LEKR1: variants seen among roughly 807,000 people sequenced by gnomAD.
The protein encoded by LEKR1 is protein LEKR1.
A neutral mutation model predicts 72.4 loss-of-function variants in LEKR1; 59 were observed. The ratio of observed to expected loss-of-function variants is 0.82; its 90% CI spans 0.66 to 1.01. LEKR1 has a LOEUF of 1.01. LEKR1 is among the 50% of genes least tolerant of loss of function. The pLI, the probability that LEKR1 is intolerant of heterozygous loss-of-function variation, is 0.00. For missense variants in LEKR1, 728 were observed against 759.2 expected, an observed-to-expected ratio of 0.96 and a Z score of 0.48; for synonymous variants, 257 against 263.2, an observed-to-expected ratio of 0.98 and a Z score of 0.23.
At chr3:156,980,416 G>A (rs1166115463) in intron 7 of LEKR1, among the ~76,000 whole-genome samples, 2 of 152,166 alleles carry the variant, frequency 1.3e-5, no homozygotes, top group Admixed American at 6.5e-5. Flanking sequence ...GTGGTTAATA[G>A]TACAGTAAGT....
intron 3 of LEKR1, among the ~76,000 whole-genome samples, chr3:156,908,114 G>A (rs1370613034): frequency 6.6e-6 from 1 of 152,126 alleles, no homozygotes; most frequent in Admixed American, 6.5e-5. Flanking sequence ...CAGGGTGTGT[G>A]TCATGATGTC....
At chr3:156,851,964 A>G (rs752710498) in intron 2 of LEKR1, among the ~76,000 whole-genome samples, 2 of 152,132 alleles carry the variant, frequency 1.3e-5, no homozygotes, top group Non-Finnish European at 2.9e-5. Flanking sequence ...CTAAAATTTC[A>G]TTTTTCACTG....
chr3:156,955,178 A>T (rs1465169937), intron 6 of LEKR1, among the ~76,000 whole-genome samples: 1 of 151,754 alleles, frequency 6.6e-6, no homozygotes, highest in East Asian at 1.9e-4. Flanking sequence ...GTTGATGTAT[A>T]GGAATGTTTT....
intron 10 of LEKR1, among the ~76,000 whole-genome samples, chr3:157,018,111 C>G (rs996251330): frequency 6.6e-6 from 1 of 151,792 alleles, no homozygotes; most frequent in Non-Finnish European, 1.5e-5. Flanking sequence ...ACATAATAAC[C>G]CTAAATGTTC....
intron 3 of LEKR1, among the ~76,000 whole-genome samples, chr3:156,886,629 C>T (rs1720121658): frequency 6.6e-6 from 1 of 152,140 alleles, no homozygotes; most frequent in African/African-American, 2.4e-5. Flanking sequence ...AGACACTTCC[C>T]ACTGCTACTT....
rs577424021 is a variant in LEKR1, at chr3:157,000,703, C to A, written c.1109+7426C>A. On this transcript the variant is annotated intron_variant, in intron 9 of 12. Transcript: ENST00000356539. ...GCCATGTAAGATATTCAGTAAATAT[C>A]TGTTGAATTCATTATTATCTGCTTT... Among the ~76,000 whole-genome samples, 22 of 152,270 alleles carry A rather than the reference C, an allele frequency of 1.4e-4. No individual in the cohort carries two copies. The South Asian group carries it at 2.7e-3, about 19-fold the overall frequency.
chr3:157,000,408 C>T (rs1731913023), intron 9 of LEKR1, among the ~76,000 whole-genome samples: 2 of 151,986 alleles, frequency 1.3e-5, no homozygotes, highest in South Asian at 4.2e-4. Flanking sequence ...AAGATAAAGT[C>T]CATTCTTAGT....
rs1278492369 is a variant in LEKR1 at position 157,011,455 on chromosome 3, G to T, written c.1152G>T (p.Leu384=). The stretch of plus-strand genomic sequence containing the variant: ...CACATCAGAAAAGCATCGAGCAGCT[G>T]CAAGAAACCCTTAGACAGAAGCTGC... ...LISHQKSIEQ[L]QETLRQKLLS... is the part of the protein sequence containing the mutation. Residue 384 remains leucine, a synonymous_variant, in exon 10 of 13, where the codon CTG becomes CTT. Coordinates refer to ENST00000356539, the MANE Select transcript of LEKR1 (RefSeq NM_001004316.3). 1 of 1,613,024 alleles carries T rather than the reference G, an allele frequency of 6.2e-7. No individual in the cohort carries two copies. The highest frequency in any genetic ancestry group is 1.1e-5 in the South Asian group (1 of 91,026).
intron 3 of LEKR1, among the ~76,000 whole-genome samples, chr3:156,905,207 T>A (rs1022520231): frequency 6.6e-6 from 1 of 152,164 alleles, no homozygotes; most frequent in Non-Finnish European, 1.5e-5. Context: ...TTCTGATCCT[T>A]AACTCAATAG....
intron 3 of LEKR1, among the ~76,000 whole-genome samples, chr3:156,899,551 C>CATGTATATATACATATACGT (rs1560064300): frequency 2.2e-5 from 2 of 89,196 alleles, no homozygotes; most frequent in African/African-American, 1.2e-4. Context: ...CATATATACA[C>CATGTATATATACATATACGT]ATATATACAT....
At chr3:156,981,205 G>GT (rs1730171973) in intron 7 of LEKR1, among the ~76,000 whole-genome samples, 1 of 152,084 alleles carries the variant, frequency 6.6e-6, no homozygotes, top group South Asian at 2.1e-4. Context: ...ACAAAATTGC[G>GT]TAATGACACA....
At chr3:156,866,483 A>G (rs1019490571) in intron 3 of LEKR1, among the ~76,000 whole-genome samples, 2 of 152,046 alleles carry the variant, frequency 1.3e-5, no homozygotes, top group Non-Finnish European at 1.5e-5. Flanking sequence ...AAGAATTCTT[A>G]GTCGTTGATG....
chr3:156,972,349 C>T (rs1270393954), intron 6 of LEKR1, among the ~76,000 whole-genome samples: 1 of 136,448 alleles, frequency 7.3e-6, no homozygotes, highest in African/African-American at 2.8e-5. Context: ...GTTATGGGGT[C>T]GGAGGAGGGG....
intron 2 of LEKR1, among the ~76,000 whole-genome samples, chr3:156,844,444 A>G (rs1387278861): frequency 6.6e-6 from 1 of 152,148 alleles, no homozygotes; most frequent in Non-Finnish European, 1.5e-5. Context: ...GATACAGTCA[A>G]GATACAGAAC....
At chr3:157,038,306 T>A (rs187128709) in intron 12 of LEKR1, among the ~76,000 whole-genome samples, 1 of 152,060 alleles carries the variant, frequency 6.6e-6, no homozygotes, top group East Asian at 1.9e-4. Context: ...ACTGAGAGAG[T>A]GCTGAGATGG....
At chr3:156,885,007 T>C (rs1359551806) in intron 3 of LEKR1, among the ~76,000 whole-genome samples, 1 of 152,168 alleles carries the variant, frequency 6.6e-6, no homozygotes. Flanking sequence ...TTTGTCAGAT[T>C]GGGTTAATTC....
chr3:156,869,971 C>G (rs983445541), intron 3 of LEKR1, among the ~76,000 whole-genome samples: 2 of 151,934 alleles, frequency 1.3e-5, no homozygotes, highest in African/African-American at 4.8e-5. Flanking sequence ...TGTCCTTTTC[C>G]CAGTGTGTGT....
intron 3 of LEKR1, among the ~76,000 whole-genome samples, chr3:156,860,264 CAGT>C (rs1716614083): frequency 6.6e-6 from 1 of 152,118 alleles, no homozygotes; most frequent in South Asian, 2.1e-4. Context: ...TCACAAATAT[CAGT>C]AGATTACAGA....
intron 3 of LEKR1, among the ~76,000 whole-genome samples, chr3:156,864,631 A>G (rs1717114248): frequency 6.6e-6 from 1 of 152,068 alleles, no homozygotes; most frequent in Non-Finnish European, 1.5e-5. Flanking sequence ...GGTTTCATTC[A>G]TCAACATTTC....
Sources: gnomAD v4.1 joint callset for allele counts (sites outside exome capture counted in the v4.1 genomes callset) on GRCh38, gnomAD v4.1.1 for gene constraint, MANE v1.5 for transcripts, NCBI Gene and HGNC (gene_info 2026-07-23, HGNC 2026-07-21) for gene names.